Variants in CBX1 observed in about 807,000 individuals in gnomAD.
CBX1 encodes chromobox 1, also known as chromobox protein homolog 1.
A neutral mutation model predicts 25.1 loss-of-function variants in CBX1; 10 were observed. The observed-to-expected ratio is 0.40, with a 90% CI of 0.25 to 0.68. CBX1 has a LOEUF of 0.68. CBX1 is among the 30% of genes least tolerant of loss of function. The pLI, the probability that CBX1 is intolerant of heterozygous loss-of-function variation, is 0.40. For missense variants in CBX1, 106 were observed against 218.5 expected (o/e 0.49, Z 3.25); for synonymous variants, 63 against 79.4 (o/e 0.79, Z 1.10).
At chr17:48,083,721 G>A (rs1342385500) in intron 1 of CBX1, among the ~76,000 whole-genome samples, 1 of 150,066 alleles carries the variant, frequency 6.7e-6, no homozygotes, top group African/African-American at 2.5e-5. Flanking sequence ...CTACTTGGAA[G>A]GCTGAGGCAG....
At chr17:48,082,543 TTTTA>T (rs904224217) in intron 1 of CBX1, among the ~76,000 whole-genome samples, 9 of 144,248 alleles carry the variant, frequency 6.2e-5, no homozygotes, top group African/African-American at 1.6e-4. Flanking sequence ...TGATCTATAA[TTTTA>T]TTTATTTTTT....
intron 4 of CBX1, chr17:48,074,799 CA>C: frequency 1.9e-6 from 1 of 514,038 alleles, no homozygotes; most frequent in South Asian, 3.2e-5. Context: ...AAAATATGGG[CA>C]AAGACCCAAG....
At chr17:48,078,950 C>T (rs866404170) in intron 1 of CBX1, among the ~76,000 whole-genome samples, 18 of 149,250 alleles carry the variant, frequency 1.2e-4, no homozygotes, top group Middle Eastern at 3.5e-3. Context: ...CTACCACGCC[C>T]GGCTAATTTT....
chr17:48,073,113 C>T (rs561231289), intron 4 of CBX1, among the ~76,000 whole-genome samples: 1 of 147,318 alleles, frequency 6.8e-6, no homozygotes, highest in East Asian at 2.0e-4. Flanking sequence ...CAGAGCGAGA[C>T]TCTGTCTCAT....
chr17:48,086,090 C>CA (rs1359212370), intron 1 of CBX1, among the ~76,000 whole-genome samples: 113 of 151,594 alleles, frequency 7.5e-4, no homozygotes, highest in Admixed American at 6.4e-3. Context: ...CAAAACAAAA[C>CA]AAAAAAAACC....
chr17:48,087,052 GGTGGCGGGTGCCTGTAGTCCCA>G (rs1283111030), intron 1 of CBX1, among the ~76,000 whole-genome samples: 1 of 151,876 alleles, frequency 6.6e-6, no homozygotes, highest in Admixed American at 6.6e-5. Flanking sequence ...AGCTGGGCGT[GGTGGCGGGTGCCTGTAGTCCCA>G]GCTACTCAGG....
At chr17:48,074,591 AG>A (rs1311492208) in intron 4 of CBX1, among the ~76,000 whole-genome samples, 1 of 141,248 alleles carries the variant, frequency 7.1e-6, no homozygotes, top group Admixed American at 7.0e-5. Context: ...TAAGGACAAA[AG>A]GAAGAACTAC....
In CBX1 at chr17:48,079,179, C is replaced by T. The variant is rs148741395; in HGVS notation, c.-37-2138G>A. 4.6e-3 allele frequency among the ~76,000 whole-genome samples: 702 copies of T among 151,864 alleles called. 2 individuals carry two copies. Among genetic ancestry groups the T allele is most frequent in the Non-Finnish European group, 7.1e-3 (485 of 67,952 alleles). ...GGAGTGCAGTGGCACAGTCTTGGCT[C>T]ACTGCAACCTCCGCCACCTGGGTTC... On this transcript the variant is annotated intron_variant, in intron 1 of 4. Coordinates refer to ENST00000225603, the MANE Select transcript of CBX1 (RefSeq NM_001127228.2).
intron 4 of CBX1, among the ~76,000 whole-genome samples, chr17:48,074,415 T>C (rs2037655556): frequency 6.6e-6 from 1 of 152,202 alleles, no homozygotes; most frequent in South Asian, 2.1e-4. Flanking sequence ...GGGATAACTA[T>C]CTTCATTAGG....
chr17:48,089,427 C>G (rs901099922), intron 1 of CBX1, among the ~76,000 whole-genome samples: 6 of 135,216 alleles, frequency 4.4e-5, no homozygotes, highest in Non-Finnish European at 8.0e-5. Context: ...CAAAGCTCCA[C>G]AGGTGATTTT....
intron 4 of CBX1, among the ~76,000 whole-genome samples, chr17:48,071,899 C>T (rs1219075937): frequency 2.7e-5 from 4 of 150,492 alleles, no homozygotes; most frequent in Non-Finnish European, 6.0e-5. Context: ...AGAGAGGATA[C>T]CTAGATTCTC....
intron 1 of CBX1, among the ~76,000 whole-genome samples, chr17:48,098,346 C>G (rs1409673702): frequency 2.0e-5 from 3 of 152,188 alleles, no homozygotes; most frequent in African/African-American, 7.2e-5. Flanking sequence ...CCAAATGTCA[C>G]AGACACAGGA....
intron 1 of CBX1, among the ~76,000 whole-genome samples, chr17:48,083,301 T>C (rs1226476156): frequency 6.6e-6 from 1 of 150,646 alleles, no homozygotes; most frequent in East Asian, 1.9e-4. Flanking sequence ...TAAGCCATCA[T>C]GCCTGGTCAA....
chr17:48,084,911 C>CA lies in CBX1; in HGVS notation c.-37-7871dup, dbSNP rs917849267. ...GGCGACAGAGCGAGACTCCGTCTCA[C>CA]AAAAAAAAACAAAAAAAAACCAATA... is the stretch of plus-strand genomic sequence containing the variant. On this transcript the variant is annotated intron_variant, in intron 1 of 4. Coordinates refer to ENST00000225603, the MANE Select transcript of CBX1 (RefSeq NM_001127228.2). Among the ~76,000 whole-genome samples the CA allele has an allele frequency of 7.5e-4, 107 of 143,426 alleles. 2 individuals are homozygous for CA. In the South Asian group the frequency reaches 0.01, roughly 14 times the overall value. The allele number at this position is 143,426 out of a possible 152,430, so 94.1% of individuals were successfully genotyped here.
intron 1 of CBX1, among the ~76,000 whole-genome samples, chr17:48,080,995 A>ATATAT (rs1567765634): frequency 2.0e-4 from 15 of 74,904 alleles, no homozygotes; most frequent in South Asian, 3.9e-4. Flanking sequence ...TATATATATA[A>ATATAT]AATTTGTCTT....
In CBX1 at chr17:48,076,849, T is replaced by A. The variant is rs758841297; in HGVS notation, c.140+16A>T. On this transcript the variant is annotated intron_variant, in intron 2 of 4. Coordinates refer to ENST00000225603, the MANE Select transcript of CBX1 (RefSeq NM_001127228.2). The stretch of plus-strand genomic sequence containing the variant: ...AACACGTGGTGGCTACATTTACCTG[T>A]GTCAGTGAAACTTACTCTGAGAATC... 85 of 1,605,608 alleles carry A rather than the reference T, an allele frequency of 5.3e-5. No homozygotes were observed. In the African/African-American group the frequency reaches 1.1e-3, roughly 20 times the overall value.
At chr17:48,100,821 G>T (rs2063404998) in intron 1 of CBX1, 13 of 985,470 alleles carry the variant, frequency 1.3e-5, no homozygotes, top group South Asian at 4.7e-5. Flanking sequence ...GCAAAGCCAG[G>T]TTCCTCTGGC....
At chr17:48,091,359 A>G (rs977311477) in intron 1 of CBX1, among the ~76,000 whole-genome samples, 9 of 150,424 alleles carry the variant, frequency 6.0e-5, no homozygotes, top group African/African-American at 2.2e-4. Context: ...ATCAAAGTTC[A>G]TAACTGCAGA....
intron 1 of CBX1, among the ~76,000 whole-genome samples, chr17:48,098,718 A>C (rs1302617992): frequency 1.3e-5 from 2 of 152,198 alleles, no homozygotes; most frequent in Non-Finnish European, 1.5e-5. Flanking sequence ...ATGGGAGCCC[A>C]TAAACTAGCA....
Sources: allele counts gnomAD v4.1 joint callset (sites outside exome capture counted in the v4.1 genomes callset), GRCh38; gene constraint gnomAD v4.1.1; transcripts MANE v1.5; gene names NCBI Gene and HGNC (gene_info 2026-07-23, HGNC 2026-07-21).